SEMA6D: variants seen among roughly 807,000 people sequenced by gnomAD.
SEMA6D encodes the protein semaphorin 6D, also known as semaphorin-6D.
SEMA6D carries 35 observed loss-of-function variants against 106.6 expected under a neutral mutation model. The observed-to-expected ratio is 0.33, with a 90% CI of 0.25 to 0.44. The LOEUF (loss-of-function observed/expected upper bound fraction) is 0.44, where lower values mean the gene tolerates loss of function less well. Ranked by LOEUF, SEMA6D falls within the 20% of genes least tolerant of loss-of-function variation. SEMA6D has a pLI of 1.00. For synonymous variants in SEMA6D, 499 were observed against 487.7 expected (o/e 1.02, Z -0.31); for missense variants, 1,185 against 1,345.9 (o/e 0.88, Z 1.87).
chr15:47,230,765 G>C (rs141000038), intron 1 of SEMA6D, among the ~76,000 whole-genome samples: 4 of 151,950 alleles, frequency 2.6e-5, no homozygotes, highest in Non-Finnish European at 5.9e-5. Flanking sequence ...GAAACACTAG[G>C]GGTGAGGCCA....
At chr15:47,396,221 T>C (rs1227973135) in intron 1 of SEMA6D, 1 of 152,126 alleles carries the variant, frequency 6.6e-6, no homozygotes, top group African/African-American at 2.4e-5. Context: ...CAGTCTATGG[T>C]ATTTTGTTAC....
chr15:47,484,915 T>G (rs1334807819), intron 3 of SEMA6D, among the ~76,000 whole-genome samples: 1 of 152,236 alleles, frequency 6.6e-6, no homozygotes, highest in Non-Finnish European at 1.5e-5. Flanking sequence ...TCCTGTGGGA[T>G]AAATCCCAAT....
chr15:47,669,168 C>T (rs2078091530), intron 4 of SEMA6D, among the ~76,000 whole-genome samples: 1 of 152,128 alleles, frequency 6.6e-6, no homozygotes, highest in African/African-American at 2.4e-5. Flanking sequence ...AGAACAAGGA[C>T]ATTTTTATAG....
chr15:47,728,369 T>G (rs2079899373), intron 1 of SEMA6D, among the ~76,000 whole-genome samples: 1 of 152,238 alleles, frequency 6.6e-6, no homozygotes, highest in African/African-American at 2.4e-5. Context: ...GGGAATCACT[T>G]TATTATAATC....
Position 47,771,508 on chromosome 15 carries a change from A to G in SEMA6D, c.2945A>G (p.Asn982Ser). 14 of 1,613,984 alleles carry G rather than the reference A, an allele frequency of 8.7e-6. No individual in the cohort carries two copies. The highest frequency in any genetic ancestry group is 1.2e-5 in the Non-Finnish European group (14 of 1,179,954). The stretch of plus-strand genomic sequence containing the variant: ...ATATCTGCTATGCCTAAAAACTTAA[A>G]CTCACCAAATGGTGTTTTGTTATCC... ...HSISAMPKNL[N>S]SPNGVLLSRQ... Residue 982 changes from asparagine to serine, a missense_variant, in exon 19 of 19, where the codon AAC (asparagine) becomes AGC (serine). Around this residue, in one of 3 missense-constraint regions of SEMA6D, gnomAD observed 750 missense variants for 783.5 expected, o/e 0.96. Transcript: ENST00000536845.
At chr15:47,426,294 T>C (rs1319163480) in intron 2 of SEMA6D, among the ~76,000 whole-genome samples, 1 of 152,158 alleles carries the variant, frequency 6.6e-6, no homozygotes, top group Non-Finnish European at 1.5e-5. Flanking sequence ...TGTACCACCA[T>C]GCATGGCTTT....
At chr15:47,442,973 A>G (rs1047274497) in intron 2 of SEMA6D, among the ~76,000 whole-genome samples, 2 of 152,118 alleles carry the variant, frequency 1.3e-5, no homozygotes, top group African/African-American at 4.8e-5. Flanking sequence ...ATTCTCCAGA[A>G]CCCAAACAGA....
intron 3 of SEMA6D, among the ~76,000 whole-genome samples, chr15:47,570,070 A>T (rs2046341035): frequency 6.6e-6 from 1 of 152,176 alleles, no homozygotes. Flanking sequence ...TCAAAAAAAA[A>T]AAAGATTTGA....
intron 4 of SEMA6D, among the ~76,000 whole-genome samples, chr15:47,610,039 A>G (rs560784450): frequency 1.3e-5 from 2 of 152,368 alleles, no homozygotes. Flanking sequence ...ACTGTCCAGC[A>G]GCCTGCAATA....
chr15:47,360,773 G>A (rs1257023156), intron 1 of SEMA6D, among the ~76,000 whole-genome samples: 2 of 152,152 alleles, frequency 1.3e-5, no homozygotes, highest in Non-Finnish European at 2.9e-5. Context: ...TATTTAGAAA[G>A]CAGTCAGAAA....
At chr15:47,532,946 ATTGT>A (rs199593185) in intron 3 of SEMA6D, among the ~76,000 whole-genome samples, 2,668 of 152,074 alleles carry the variant, frequency 0.018, 83 homozygotes, top group African/African-American at 0.062. Context: ...TTAAATAAAA[ATTGT>A]TTGATGATAT....
intron 1 of SEMA6D, among the ~76,000 whole-genome samples, chr15:47,253,727 C>T (rs1228298086): frequency 6.6e-6 from 1 of 152,048 alleles, no homozygotes; most frequent in East Asian, 1.9e-4. Flanking sequence ...ATTTTTTGTG[C>T]CAGTACTATG....
intron 1 of SEMA6D, among the ~76,000 whole-genome samples, chr15:47,371,408 A>C (rs1262358529): frequency 1.3e-5 from 2 of 152,206 alleles, no homozygotes; most frequent in African/African-American, 4.8e-5. Context: ...GTGTCTGCTA[A>C]CCATCATGCT....
At chr15:47,545,869 C>T (rs546977254) in intron 3 of SEMA6D, among the ~76,000 whole-genome samples, 18 of 152,184 alleles carry the variant, frequency 1.2e-4, no homozygotes, top group African/African-American at 4.3e-4. Flanking sequence ...TCCATCTGCC[C>T]TCCTTATCAT....
chr15:47,559,296 C>T (rs900860713), intron 3 of SEMA6D, among the ~76,000 whole-genome samples: 1 of 152,016 alleles, frequency 6.6e-6, no homozygotes, highest in African/African-American at 2.4e-5. Flanking sequence ...TAAAACTGGA[C>T]AAAATCATGA....
intron 1 of SEMA6D, among the ~76,000 whole-genome samples, chr15:47,196,889 C>A (rs1346098095): frequency 6.6e-6 from 1 of 152,090 alleles, no homozygotes; most frequent in Non-Finnish European, 1.5e-5. Context: ...TTAAGCTTGT[C>A]AGGTTGGGTT....
At chr15:47,403,785 G>A (rs1483495070) in intron 1 of SEMA6D, among the ~76,000 whole-genome samples, 2 of 152,158 alleles carry the variant, frequency 1.3e-5, no homozygotes, top group Non-Finnish European at 2.9e-5. Context: ...GCCGGTGTGG[G>A]AGATGGGGCT....
At chr15:47,406,146 T>C (rs1369733454) in intron 1 of SEMA6D, among the ~76,000 whole-genome samples, 4 of 152,204 alleles carry the variant, frequency 2.6e-5, no homozygotes, top group African/African-American at 7.2e-5. Flanking sequence ...AAATTATCTC[T>C]CATATAAAAC....
At chr15:47,716,261 AG>A (rs1469562175), upstream of SEMA6D, among the ~76,000 whole-genome samples, 1 of 152,186 alleles carries the variant, frequency 6.6e-6, no homozygotes, top group African/African-American at 2.4e-5. Flanking sequence ...AGTGTTAACT[AG>A]GGAGGAAATA....
Sources: gnomAD v4.1 joint callset for allele counts (sites outside exome capture counted in the v4.1 genomes callset) on GRCh38, gnomAD v4.1.1 for gene constraint, gnomAD v4.1.1 regional missense constraint, MANE v1.5 for transcripts, NCBI Gene and HGNC (gene_info 2026-07-23, HGNC 2026-07-21) for gene names.